Variants in RARB observed in about 807,000 individuals in gnomAD.
RARB encodes HBV-activated protein.
In RARB, 17 loss-of-function variants were observed where a neutral mutation model predicts 51.9. The observed-to-expected ratio is 0.33, with a 90% confidence interval of 0.22 to 0.49. The LOEUF is 0.49. Ranked by LOEUF, RARB falls within the 20% of genes least tolerant of loss-of-function variation. RARB has a pLI of 0.99. For missense variants in RARB, 369 were observed against 550.8 expected (o/e 0.67, Z 3.30); for synonymous variants, 215 against 195.4 (o/e 1.10, Z -0.84).
chr3:25,209,425 T>C (rs1244905090), intron 5 of RARB, among the ~76,000 whole-genome samples: 2 of 152,216 alleles, frequency 1.3e-5, no homozygotes, highest in Non-Finnish European at 2.9e-5. Context: ...TGAAGTCCTG[T>C]AGTCATGTAG....
chr3:24,852,100 T>C (rs1006241085), intron 1 of RARB, among the ~76,000 whole-genome samples: 1 of 151,536 alleles, frequency 6.6e-6, no homozygotes, highest in Non-Finnish European at 1.5e-5. Context: ...CTGAACCTAA[T>C]TTTTTTGTTT....
chr3:24,948,889 G>C (rs1012985159), intron 2 of RARB, among the ~76,000 whole-genome samples: 1 of 152,164 alleles, frequency 6.6e-6, no homozygotes, highest in Non-Finnish European at 1.5e-5. Context: ...ACCAGAAGCA[G>C]ATTCCAGCAC....
At chr3:25,454,841 G>T (rs1217420276) in intron 1 of RARB, among the ~76,000 whole-genome samples, 1 of 152,228 alleles carries the variant, frequency 6.6e-6, no homozygotes, top group Non-Finnish European at 1.5e-5. Flanking sequence ...GTAACAACAA[G>T]GACATTTATA....
At chr3:25,186,253 A>G (rs1229194209) in intron 5 of RARB, among the ~76,000 whole-genome samples, 1 of 152,124 alleles carries the variant, frequency 6.6e-6, no homozygotes, top group Non-Finnish European at 1.5e-5. Flanking sequence ...GCCATTTTAT[A>G]TCCAGTACAG....
At chr3:25,054,675 T>C (rs1160980428) in intron 2 of RARB, among the ~76,000 whole-genome samples, 1 of 152,068 alleles carries the variant, frequency 6.6e-6, no homozygotes, top group Non-Finnish European at 1.5e-5. Flanking sequence ...GGATGCTGAG[T>C]AGAGCATAGC....
intron 5 of RARB, among the ~76,000 whole-genome samples, chr3:25,342,369 T>C (rs1179893878): frequency 6.6e-6 from 1 of 152,220 alleles, no homozygotes; most frequent in African/African-American, 2.4e-5. Context: ...TCAAAAAATC[T>C]CTGGGAGTTG....
At chr3:25,413,972 G>A (rs1225749392) in intron 5 of RARB, among the ~76,000 whole-genome samples, 2 of 152,062 alleles carry the variant, frequency 1.3e-5, no homozygotes, top group Non-Finnish European at 2.9e-5. Context: ...ACGTATACCT[G>A]TGAAACCATT....
intron 5 of RARB, among the ~76,000 whole-genome samples, chr3:25,277,540 G>A (rs1359940650): frequency 3.9e-5 from 6 of 152,192 alleles, no homozygotes; most frequent in African/African-American, 1.4e-4. Flanking sequence ...TGGGCCTAGA[G>A]TAAAATGAGC....
intron 5 of RARB, among the ~76,000 whole-genome samples, chr3:25,296,359 A>G (rs1370123190): frequency 6.6e-6 from 1 of 152,152 alleles, no homozygotes; most frequent in Non-Finnish European, 1.5e-5. Flanking sequence ...TAAGCTATCT[A>G]TGTCCATGGG....
At chr3:24,873,986 T>TA (rs1702995938) in intron 2 of RARB, among the ~76,000 whole-genome samples, 1 of 152,028 alleles carries the variant, frequency 6.6e-6, no homozygotes, top group Non-Finnish European at 1.5e-5. Context: ...AAAATACTGA[T>TA]AAAAATATAG....
intron 1 of RARB, among the ~76,000 whole-genome samples, chr3:24,853,138 C>G (rs190589185): frequency 1.3e-5 from 2 of 150,306 alleles, no homozygotes; most frequent in African/African-American, 2.5e-5. Flanking sequence ...CACGGTGAAA[C>G]CCTGTCTTTA....
At chr3:25,342,796 G>A (rs1051044119) in intron 5 of RARB, among the ~76,000 whole-genome samples, 1 of 152,096 alleles carries the variant, frequency 6.6e-6, no homozygotes, top group African/African-American at 2.4e-5. Flanking sequence ...AACAGAGACG[G>A]TAGGTAGCAC....
intron 2 of RARB, among the ~76,000 whole-genome samples, chr3:24,978,075 C>T (rs904176784): frequency 3.3e-5 from 5 of 152,122 alleles, no homozygotes; most frequent in Admixed American, 6.6e-5. Context: ...GTATGTTGAA[C>T]CTGCCTTGCA....
At position 25,319,532 on chromosome 3, in the gene RARB, C is replaced by G. The variant is rs961131150; in HGVS notation, c.179-141661C>G. Among the ~76,000 whole-genome samples, 6 of 152,310 alleles carry G rather than the reference C, an allele frequency of 3.9e-5. No individual in the cohort carries two copies. In the South Asian group the frequency reaches 1.2e-3, roughly 32 times the overall value. On this transcript the variant is annotated intron_variant, in intron 5 of 11. Transcript: ENST00000383772. ...CATCTCTTAGCCCAGACAATCTCAT[C>G]TGACCAACCAAAATTAAAGAGCTGT...
intron 4 of RARB, among the ~76,000 whole-genome samples, chr3:25,141,673 G>C (rs1700108450): frequency 6.6e-6 from 1 of 152,098 alleles, no homozygotes; most frequent in African/African-American, 2.4e-5. Context: ...ATGGCTTTCT[G>C]CACCTGTATA....
At chr3:25,274,817 A>T (rs1013871338) in intron 5 of RARB, among the ~76,000 whole-genome samples, 43 of 152,026 alleles carry the variant, frequency 2.8e-4, no homozygotes, top group African/African-American at 9.4e-4. Flanking sequence ...TACATAAGGC[A>T]TCTTAGGGCT....
At chr3:24,986,696 C>T (rs1488957661) in intron 2 of RARB, among the ~76,000 whole-genome samples, 5 of 152,094 alleles carry the variant, frequency 3.3e-5, no homozygotes, top group Admixed American at 6.6e-5. Flanking sequence ...GAGATTGCAG[C>T]GTGTGTGTTT....
intron 5 of RARB, among the ~76,000 whole-genome samples, chr3:25,359,109 C>G (rs1705842579): frequency 6.6e-6 from 1 of 151,962 alleles, no homozygotes; most frequent in Non-Finnish European, 1.5e-5. Flanking sequence ...CCATCTGGTT[C>G]TGGGCTTTTT....
chr3:25,554,460 T>C (rs1699973673), intron 3 of RARB, among the ~76,000 whole-genome samples: 1 of 152,044 alleles, frequency 6.6e-6, no homozygotes, highest in African/African-American at 2.4e-5. Context: ...TTTGTTGACG[T>C]GTAGTCCTGG....
Sources: allele counts gnomAD v4.1 joint callset (sites outside exome capture counted in the v4.1 genomes callset), GRCh38; gene constraint gnomAD v4.1.1; transcripts MANE v1.5; gene names NCBI Gene and HGNC (gene_info 2026-07-23, HGNC 2026-07-21).